Variants in GPD2 observed in about 807,000 individuals in gnomAD.
GPD2 encodes glycerol-3-phosphate dehydrogenase, mitochondrial.
In GPD2, 54 loss-of-function variants were observed where a neutral mutation model predicts 82.4. The observed-to-expected ratio is 0.66, with a 90% confidence interval of 0.53 to 0.82. GPD2 has a LOEUF of 0.82. Among genes scored for constraint, GPD2 ranks in the 40% least tolerant of loss-of-function variants. GPD2 has a pLI of 0.00. For missense variants in GPD2, 748 were observed against 896.2 expected, an observed-to-expected ratio of 0.83 and a Z score of 2.11; for synonymous variants, 288 against 306.1, an observed-to-expected ratio of 0.94 and a Z score of 0.62.
intron 1 of GPD2, among the ~76,000 whole-genome samples, chr2:156,452,106 A>G (rs1259582490): frequency 2.0e-5 from 3 of 150,690 alleles, no homozygotes; most frequent in Admixed American, 2.0e-4. Context: ...CACGTCCCAG[A>G]CGATGGGTGG....
chr2:156,426,872 G>T, the GPD2 span, among the ~76,000 whole-genome samples: 3 of 152,164 alleles, frequency 2.0e-5, no homozygotes, highest in Non-Finnish European at 4.4e-5. Context: ...GGCAGTCAAG[G>T]GTTTTTGTTA....
Position 156,496,153 on chromosome 2 carries a change from A to T in GPD2, c.212A>T (p.Asp71Val). The stretch of plus-strand genomic sequence containing the variant: ...ACTTTGCAAAACACATCTGAATTTG[A>T]TATCCTTGTTATTGGAGGAGGAGCA... ...LLTLQNTSEF[D>V]ILVIGGGATG... Residue 71 changes from aspartate to valine, a missense_variant, in exon 3 of 17, where the codon GAT becomes GTT. Transcript: ENST00000438166. The T allele has an allele frequency of 6.2e-7, 1 of 1,613,028 alleles. No homozygotes were observed. The highest frequency in any genetic ancestry group is 2.2e-5 in the East Asian group (1 of 44,870).
chr2:156,415,301 C>T, the GPD2 span, among the ~76,000 whole-genome samples: 2 of 151,412 alleles, frequency 1.3e-5, no homozygotes, highest in South Asian at 4.2e-4. Context: ...TGGTATTACA[C>T]GCGCCCGCCA....
intron 1 of GPD2, 35 bp from the exon 2 acceptor site, chr2:156,476,063 A>C (rs776636323): frequency 9.2e-7 from 1 of 1,082,024 alleles, no homozygotes; most frequent in South Asian, 1.2e-5. Flanking sequence ...AACTATCCCA[A>C]TTAACTTCTT....
chr2:156,512,405 T>G, intron 5 of GPD2, 88 bp downstream of exon 5: 2 of 775,970 alleles, frequency 2.6e-6, no homozygotes, highest in Non-Finnish European at 4.7e-6. Flanking sequence ...TCAATGCATA[T>G]TTCATAATGT....
chr2:156,567,414 G>A (rs1161734711), intron 9 of GPD2, among the ~76,000 whole-genome samples: 1 of 152,010 alleles, frequency 6.6e-6, no homozygotes, highest in Non-Finnish European at 1.5e-5. Context: ...TCTTTCACAT[G>A]TGGAGATCCA....
chr2:156,477,303 ACATCTGTAG>A (rs1006231001), intron 2 of GPD2, among the ~76,000 whole-genome samples: 6 of 152,106 alleles, frequency 3.9e-5, no homozygotes, highest in Non-Finnish European at 5.9e-5. Context: ...GTGATGGTGT[ACATCTGTAG>A]TCCCAGCTAC....
chr2:156,516,519 G>A (rs1685201354), intron 6 of GPD2, among the ~76,000 whole-genome samples: 1 of 152,148 alleles, frequency 6.6e-6, no homozygotes, highest in South Asian at 2.1e-4. Flanking sequence ...GCTTCCCACA[G>A]CCTCTAATCT....
At chr2:156,572,188 A>G (rs1055194966) in intron 13 of GPD2, among the ~76,000 whole-genome samples, 5 of 152,088 alleles carry the variant, frequency 3.3e-5, no homozygotes, top group Non-Finnish European at 4.4e-5. Flanking sequence ...AGACTTTTCC[A>G]TGTCATAAAT....
At chr2:156,417,493 T>G in the GPD2 span, among the ~76,000 whole-genome samples, 1 of 152,168 alleles carries the variant, frequency 6.6e-6, no homozygotes, top group Non-Finnish European at 1.5e-5. Context: ...CTACTAAAAA[T>G]AAGTCAATTT....
the GPD2 span, among the ~76,000 whole-genome samples, chr2:156,417,411 G>A: frequency 0.03 from 4,631 of 152,202 alleles, 102 homozygotes; most frequent in Non-Finnish European, 0.047. Context: ...TTAAACATAT[G>A]TCAGGAGAGG....
At chr2:156,411,125 T>G in the GPD2 span, among the ~76,000 whole-genome samples, 2 of 152,146 alleles carry the variant, frequency 1.3e-5, no homozygotes, top group African/African-American at 2.4e-5. Context: ...ACTAGAACAC[T>G]TCTAGTTAAC....
chr2:156,582,616 C>G (rs1688066515), intron 16 of GPD2, among the ~76,000 whole-genome samples, 177 bp from the exon 17 acceptor site: 1 of 151,922 alleles, frequency 6.6e-6, no homozygotes, highest in African/African-American at 2.4e-5. Context: ...CTGCCTCTTC[C>G]CCTCTTTTGG....
intron 6 of GPD2, among the ~76,000 whole-genome samples, chr2:156,538,230 C>T (rs990318142): frequency 1.3e-5 from 2 of 152,132 alleles, no homozygotes; most frequent in South Asian, 2.1e-4. Context: ...TTTATTATTT[C>T]GCTTAGGGTG....
the GPD2 span, among the ~76,000 whole-genome samples, chr2:156,418,466 G>A: frequency 3.9e-5 from 6 of 152,180 alleles, no homozygotes; most frequent in African/African-American, 1.2e-4. Context: ...ATAGTGAGTG[G>A]TATGTATAAA....
the GPD2 span, among the ~76,000 whole-genome samples, chr2:156,401,123 A>G: frequency 1.1e-4 from 16 of 152,332 alleles, no homozygotes; most frequent in Non-Finnish European, 1.8e-4. Flanking sequence ...TGATACCCAC[A>G]GAAAAAAACT....
chr2:156,486,285 G>A (rs543117985), intron 2 of GPD2, among the ~76,000 whole-genome samples: 2 of 152,280 alleles, frequency 1.3e-5, no homozygotes, highest in East Asian at 3.9e-4. Context: ...CTCACATCAG[G>A]CCTTCGAGGA....
At chr2:156,472,222 C>A (rs765074252) in intron 1 of GPD2, among the ~76,000 whole-genome samples, 2 of 151,730 alleles carry the variant, frequency 1.3e-5, no homozygotes, top group Non-Finnish European at 2.9e-5. Context: ...ATTGTGAAAA[C>A]GTTTCTCCTT....
chr2:156,404,291 G>A, the GPD2 span, among the ~76,000 whole-genome samples: 7 of 152,284 alleles, frequency 4.6e-5, no homozygotes, highest in Non-Finnish European at 1.0e-4. Flanking sequence ...GACTAAGGTT[G>A]GAGGGTTGCT....
Sources: allele counts gnomAD v4.1 joint callset (sites outside exome capture counted in the v4.1 genomes callset), GRCh38; gene constraint gnomAD v4.1.1; transcripts MANE v1.5; gene names NCBI Gene and HGNC (gene_info 2026-07-23, HGNC 2026-07-21).